Variants in LRRC27 observed in about 807,000 individuals in gnomAD.
The protein encoded by LRRC27 is leucine-rich repeat-containing protein 27.
A neutral mutation model predicts 55.0 loss-of-function variants in LRRC27; 57 were observed. That is an observed-to-expected ratio of 1.04 (90% CI 0.84 to 1.29). The LOEUF (loss-of-function observed/expected upper bound fraction) is 1.29. Ranked by LOEUF, LRRC27 falls within the 50% of genes most tolerant of loss-of-function variation. The pLI is 0.00. For missense variants in LRRC27, 721 were observed against 651.5 expected, an observed-to-expected ratio of 1.11 and a Z score of -1.16; for synonymous variants, 278 against 251.9, an observed-to-expected ratio of 1.10 and a Z score of -0.98.
chr10:132,331,952 CAGGCGCACCACACCCCGCCCCCTCCCGG>C, upstream of LRRC27: 1 of 552,646 alleles, frequency 1.8e-6, no homozygotes, highest in Non-Finnish European at 3.0e-6. Flanking sequence ...CGCCCCAGCG[CAGGCGCACCACACCCCGCCCCCTCCCGG>C]GCAGGCGCAC....
chr10:132,355,778 C>G lies in LRRC27; in HGVS notation c.1074-12C>G. 6.5e-7 allele frequency: 1 copy of G among 1,542,080 alleles called. No homozygotes were observed. Among genetic ancestry groups the G allele is most frequent in the Non-Finnish European group, 8.8e-7 (1 of 1,138,474 alleles). On this transcript the variant is annotated splice_polypyrimidine_tract_variant and intron_variant, in intron 7 of 10. Coordinates refer to ENST00000368614, the MANE Select transcript of LRRC27 (RefSeq NM_030626.3). ...GCCTGTAACTTATGACATTAACCTT[C>G]CCTTTCTCCAGAGAGAAAAGGGCAC... is the stretch of plus-strand genomic sequence containing the variant.
At chr10:132,346,263 TTAAG>T (rs2067680800) in intron 5 of LRRC27, among the ~76,000 whole-genome samples, 1 of 151,962 alleles carries the variant, frequency 6.6e-6, no homozygotes. Context: ...AAAAAATACA[TTAAG>T]TAACTGGTCA....
upstream of LRRC27, chr10:132,330,208 T>C (rs1177879115): frequency 3.8e-6 from 2 of 524,674 alleles, no homozygotes; most frequent in South Asian, 2.2e-5. Flanking sequence ...AATTAACTAC[T>C]GACTACAAAA....
chr10:132,381,287 C>T lies in LRRC27; in HGVS notation c.*6045C>T, dbSNP rs2069407451. Among the ~76,000 whole-genome samples the T allele has an allele frequency of 6.6e-6, 1 of 152,144 alleles. No homozygotes were observed. Among genetic ancestry groups the T allele is most frequent in the African/African-American group, 2.4e-5 (1 of 41,418 alleles). ...GAACATCAGACTCCAAGTTCTTTAG[C>T]TTTTGGACTCTTGGACCTACACTGG... On this transcript the variant is annotated 3_prime_UTR_variant, in exon 11 of 11. Coordinates refer to ENST00000368614, the MANE Select transcript of LRRC27 (RefSeq NM_030626.3).
chr10:132,378,941 G>A lies in LRRC27; in HGVS notation c.*3699G>A, dbSNP rs1244311831. 2 of 78,796 alleles carry A rather than the reference G, an allele frequency of 2.5e-5. No individual in the cohort carries two copies. Among genetic ancestry groups the A allele is most frequent in the Non-Finnish European group, 2.7e-5 (1 of 37,172 alleles). The allele number at this position is 78,796 out of a possible 1,614,324, so 4.9% of individuals were successfully genotyped here. ...CATCCTGCTCCTCTCCAGAGTTTCC[G>A]GTCACCTCCGTGTTCTCAGGGAGTG... On this transcript the variant is annotated 3_prime_UTR_variant, in exon 11 of 11. Transcript: ENST00000368614.
intron 3 of LRRC27, among the ~76,000 whole-genome samples, chr10:132,340,873 T>A (rs1342868954): frequency 8.8e-5 from 10 of 114,266 alleles, no homozygotes; most frequent in Non-Finnish European, 1.4e-4. Flanking sequence ...AGAGTGAGAC[T>A]CCATCTCAAA....
upstream of LRRC27, chr10:132,331,896 C>A (rs916648009): frequency 2.0e-6 from 2 of 985,532 alleles, no homozygotes; most frequent in East Asian, 5.6e-5. Context: ...CCCCTGCCAC[C>A]CCCGCGCAGG....
upstream of LRRC27, chr10:132,331,973 C>G (rs2066786271): frequency 2.0e-6 from 1 of 492,818 alleles, no homozygotes; most frequent in Admixed American, 4.4e-5. Flanking sequence ...CACCCCGCCC[C>G]CTCCCGGGCA....
Position 132,333,652 on chromosome 10 carries a change from T to G in LRRC27, c.128T>G (p.Ile43Ser). The change falls in exon 2 of 11, where the codon ATC becomes AGC. Residue 43 changes from isoleucine (I) to serine (S), a missense_variant. By Grantham distance (142) the Ile-to-Ser change is moderately radical. Transcript: ENST00000368614. The part of the protein sequence containing the change: ...KDVHKGVGGI[I>S]FSSSPILDLS... Reference sequence around the variant, plus strand: ...GTTCACAAGGGTGTTGGAGGCATCATCTTTTCCTCCTCACCGATTTTAGAC... The same window carrying G: ...GTTCACAAGGGTGTTGGAGGCATCAGCTTTTCCTCCTCACCGATTTTAGAC... 6.2e-7 allele frequency: 1 copy of G among 1,613,672 alleles called. No homozygotes were observed. The highest frequency in any genetic ancestry group is 8.5e-7 in the Non-Finnish European group (1 of 1,180,016).
chr10:132,351,508 G>A (rs1353507981), intron 6 of LRRC27, 99 bp from the exon 7 acceptor site: 19 of 1,342,078 alleles, frequency 1.4e-5, no homozygotes, highest in African/African-American at 1.0e-4. Context: ...TCAGATGAGC[G>A]GATGATCCAC....
chr10:132,330,627 C>T (rs2066650789), upstream of LRRC27: 5 of 676,078 alleles, frequency 7.4e-6, no homozygotes, highest in East Asian at 8.2e-5. Context: ...CTTGCCTCAC[C>T]CTCCCACACA....
At chr10:132,364,764 ATG>A (rs2068951520) in intron 9 of LRRC27, among the ~76,000 whole-genome samples, 1 of 108,176 alleles carries the variant, frequency 9.2e-6, no homozygotes, top group Non-Finnish European at 1.9e-5. Context: ...ACTTACACTC[ATG>A]CTTACATCTA....
upstream of LRRC27, chr10:132,332,004 C>G (rs2066788991): frequency 2.4e-6 from 1 of 415,082 alleles, no homozygotes; most frequent in African/African-American, 2.1e-5. Flanking sequence ...ACCCGACCCC[C>G]TGCCGCGCAG....
At chr10:132,342,113 C>T in intron 3 of LRRC27, 100 bp from the exon 4 acceptor site, 1 of 717,010 alleles carries the variant, frequency 1.4e-6, no homozygotes, top group Admixed American at 2.9e-5. Context: ...TTGAAGTTGC[C>T]CCTGAAAGAG....
intron 10 of LRRC27, among the ~76,000 whole-genome samples, chr10:132,373,985 T>C (rs542004039): frequency 2.6e-5 from 4 of 152,326 alleles, no homozygotes; most frequent in African/African-American, 9.6e-5. Flanking sequence ...ACAAGTAACA[T>C]TGACCAAGTC....
In LRRC27 at chr10:132,333,589, G is replaced by T. The variant is rs1342932027; in HGVS notation, c.65G>T (p.Gly22Val). 3.7e-6 allele frequency: 6 copies of T among 1,612,290 alleles called. No individual in the cohort carries two copies. The highest frequency in any genetic ancestry group is 1.3e-5 in the African/African-American group (1 of 74,968). ...GCTGCTGATCTGGAGGAGGGTGCTGGTCAGACTAGGAGCTTGCCTGCCACC... is the reference window on the plus strand; with the variant it reads ...GCTGCTGATCTGGAGGAGGGTGCTGTTCAGACTAGGAGCTTGCCTGCCACC... The part of the protein sequence containing the change: ...VAAADLEEGA[G>V]QTRSLPATPS... Residue 22 changes from glycine to valine, a missense_variant, in exon 2 of 11, where the codon GGT (glycine) becomes GTT (valine). Coordinates refer to ENST00000368614, the MANE Select transcript of LRRC27 (RefSeq NM_030626.3).
At chr10:132,371,188 G>A (rs566671608) in intron 10 of LRRC27, among the ~76,000 whole-genome samples, 4 of 152,348 alleles carry the variant, frequency 2.6e-5, no homozygotes, top group South Asian at 2.1e-4. Flanking sequence ...ATGGCGTGGC[G>A]CTGGCAAGGA....
chr10:132,343,297 A>G (rs1005743804), intron 4 of LRRC27, among the ~76,000 whole-genome samples: 16 of 152,198 alleles, frequency 1.1e-4, no homozygotes, highest in Admixed American at 1.0e-3. Context: ...CCTGGACAAC[A>G]GGGCGAGACC....
At position 132,372,936 on chromosome 10, in the gene LRRC27, G is replaced by C. The variant is rs1173584210; in HGVS notation, c.1417-2130G>C. Reference sequence around the variant, plus strand: ...CGTTCCAGGGCCTCAGTCACGAGAGGTTCCTCAGCTGTTGAGGGAAGCCCC... The same window carrying C: ...CGTTCCAGGGCCTCAGTCACGAGAGCTTCCTCAGCTGTTGAGGGAAGCCCC... On this transcript the variant is annotated intron_variant, in intron 10 of 10. Transcript: ENST00000368614. The surrounding 1 kb of genome is among the most constrained non-coding windows in gnomAD (Gnocchi z 4.0). 6.6e-6 allele frequency among the ~76,000 whole-genome samples: 1 copy of C among 152,096 alleles called. No individual in the cohort carries two copies. Among genetic ancestry groups the C allele is most frequent in the Non-Finnish European group, 1.5e-5 (1 of 68,024 alleles).
Sources: gnomAD v4.1 joint callset for allele counts (sites outside exome capture counted in the v4.1 genomes callset) on GRCh38, gnomAD v4.1.1 for gene constraint, Gnocchi (gnomAD v3.1) non-coding constraint, MANE v1.5 for transcripts, NCBI Gene and HGNC (gene_info 2026-07-23, HGNC 2026-07-21) for gene names.